CDS2: variants seen among roughly 807,000 people sequenced by gnomAD.
CDS2 encodes phosphatidate cytidylyltransferase 2.
In CDS2, 47 loss-of-function variants were observed where a neutral mutation model predicts 59.0. That is an observed-to-expected ratio of 0.80 (90% CI 0.63 to 1.02). The LOEUF (loss-of-function observed/expected upper bound fraction) is 1.02. CDS2 is among the 50% of genes least tolerant of loss of function. CDS2 has a pLI of 0.00. For synonymous variants in CDS2, 207 were observed against 206.4 expected, an observed-to-expected ratio of 1.00 and a Z score of -0.02; for missense variants, 356 against 558.9, an observed-to-expected ratio of 0.64 and a Z score of 3.66.
chr20:5,166,321 C>T (rs764424650), intron 1 of CDS2, among the ~76,000 whole-genome samples: 2 of 151,970 alleles, frequency 1.3e-5, no homozygotes, highest in African/African-American at 2.4e-5. Flanking sequence ...CTTGAAAATT[C>T]GGGGAAAGGG....
intron 1 of CDS2, among the ~76,000 whole-genome samples, chr20:5,138,115 A>AT (rs2090663256): frequency 8.0e-6 from 1 of 125,406 alleles, no homozygotes; most frequent in East Asian, 2.1e-4. Flanking sequence ...CATTTCTTTA[A>AT]ATTTTTTTTT....
At chr20:5,131,867 C>T (rs551825641) in intron 1 of CDS2, among the ~76,000 whole-genome samples, 30 of 152,286 alleles carry the variant, frequency 2.0e-4, no homozygotes, top group African/African-American at 6.3e-4. Flanking sequence ...GTGGATTAAA[C>T]GTATGTATGG....
At chr20:5,182,578 C>A in intron 6 of CDS2, 133 bp downstream of exon 6, 1 of 721,986 alleles carries the variant, frequency 1.4e-6, no homozygotes, top group Non-Finnish European at 2.2e-6. Flanking sequence ...GCATCTAGAG[C>A]ATGAAGGAAG....
chr20:5,170,809 T>G (rs1043484784), intron 1 of CDS2, among the ~76,000 whole-genome samples: 26 of 152,166 alleles, frequency 1.7e-4, no homozygotes, highest in Admixed American at 3.3e-4. Flanking sequence ...ATTGATAGAC[T>G]GCTAGCAAGG....
intron 8 of CDS2, 108 bp downstream of exon 8, chr20:5,185,053 G>T: frequency 1.2e-6 from 1 of 809,154 alleles, no homozygotes; most frequent in Non-Finnish European, 2.1e-6. Context: ...GTTGTATTGT[G>T]GCCATGTCTT....
At chr20:5,188,993 A>G (rs1459072297) in intron 10 of CDS2, 74 bp from the exon 11 acceptor site, 2 of 1,582,810 alleles carry the variant, frequency 1.3e-6, no homozygotes, top group East Asian at 2.2e-5. Context: ...TCAAATTTCA[A>G]CATGAGTTGA....
intron 1 of CDS2, among the ~76,000 whole-genome samples, chr20:5,154,605 T>C (rs528335895): frequency 5.3e-5 from 8 of 152,308 alleles, no homozygotes; most frequent in East Asian, 3.9e-4. Flanking sequence ...AGCATTCCAG[T>C]GTGCTGTCCA....
chr20:5,144,104 G>C (rs1189904303), intron 1 of CDS2, among the ~76,000 whole-genome samples: 1 of 152,108 alleles, frequency 6.6e-6, no homozygotes, highest in Non-Finnish European at 1.5e-5. Flanking sequence ...AGAAGAACTG[G>C]ATTGCTGGAT....
At chr20:5,129,515 T>C (rs1275498880) in intron 1 of CDS2, among the ~76,000 whole-genome samples, 1 of 151,678 alleles carries the variant, frequency 6.6e-6, no homozygotes, top group East Asian at 1.9e-4. Flanking sequence ...TGATGTTGGC[T>C]CATCGCAACC....
intron 1 of CDS2, among the ~76,000 whole-genome samples, chr20:5,158,770 G>C (rs143282544): frequency 6.2e-4 from 94 of 152,222 alleles, no homozygotes; most frequent in Non-Finnish European, 1.2e-3. Flanking sequence ...TTTAATACTG[G>C]GTGATCGTTG....
intron 1 of CDS2, among the ~76,000 whole-genome samples, chr20:5,133,423 T>C (rs1410512552): frequency 1.3e-5 from 2 of 151,958 alleles, no homozygotes; most frequent in Non-Finnish European, 2.9e-5. Flanking sequence ...CGGCTTGAGG[T>C]AGTTATTTTA....
chr20:5,179,668 G>A (rs2091019398), intron 5 of CDS2, among the ~76,000 whole-genome samples: 1 of 152,204 alleles, frequency 6.6e-6, no homozygotes, highest in Admixed American at 6.5e-5. Context: ...CTGGATTTGG[G>A]CGTAGACTCT....
chr20:5,133,678 A>G (rs2090625923), intron 1 of CDS2, among the ~76,000 whole-genome samples: 1 of 152,090 alleles, frequency 6.6e-6, no homozygotes, highest in Admixed American at 6.6e-5. Flanking sequence ...CGGGCATGCC[A>G]CCACGCCCAG....
At chr20:5,136,969 C>G (rs1261986658) in intron 1 of CDS2, among the ~76,000 whole-genome samples, 1 of 152,086 alleles carries the variant, frequency 6.6e-6, no homozygotes, top group Non-Finnish European at 1.5e-5. Flanking sequence ...GCCCTGGTGT[C>G]TCTTGTTCCC....
Position 5,127,089 on chromosome 20 carries a change from C to T in CDS2, c.-4C>T. 6.7e-7 allele frequency: 1 copy of T among 1,494,890 alleles called. No homozygotes were observed. The highest frequency in any genetic ancestry group is 8.9e-7 in the Non-Finnish European group (1 of 1,121,830). The allele number at this position is 1,494,890 out of a possible 1,614,324, so 92.6% of individuals were successfully genotyped here. On this transcript the variant is annotated 5_prime_UTR_variant, in exon 1 of 13. Transcript: ENST00000460006. ...CGCGGCGACGTCGGGCCGATTTTCC[C>T]AGGATGACAGAGCTGAGGCAGAGGG...
chr20:5,186,247 T>G (rs2091066958), intron 9 of CDS2, among the ~76,000 whole-genome samples: 1 of 152,248 alleles, frequency 6.6e-6, no homozygotes, highest in Non-Finnish European at 1.5e-5. Flanking sequence ...CAGCACTGTC[T>G]GGCTGCCCTT....
At chr20:5,181,969 A>G (rs1182954586) in intron 5 of CDS2, among the ~76,000 whole-genome samples, 1 of 152,240 alleles carries the variant, frequency 6.6e-6, no homozygotes, top group African/African-American at 2.4e-5. Flanking sequence ...TGTTCAGAGC[A>G]TGACTGTACT....
chr20:5,170,284 T>G (rs2090946078), intron 1 of CDS2, among the ~76,000 whole-genome samples: 1 of 152,216 alleles, frequency 6.6e-6, no homozygotes, highest in South Asian at 2.1e-4. Context: ...GTGTTCAGCA[T>G]GTACCACCTT....
In CDS2 at chr20:5,137,335, C is replaced by A. The variant is rs533263461; in HGVS notation, c.57+10186C>A. 7.9e-5 allele frequency among the ~76,000 whole-genome samples: 12 copies of A among 151,538 alleles called. 2 individuals are homozygous for A. The South Asian group carries it at 2.5e-3, about 32-fold the overall frequency. On this transcript the variant is annotated intron_variant, in intron 1 of 12. Coordinates refer to ENST00000460006, the MANE Select transcript of CDS2 (RefSeq NM_003818.4). ...CTCGGCTCACTGCAGCCTCCGCCTCCCAGGTTCAAGCAATTCTCCTGCCTC... is the reference window on the plus strand; with the variant it reads ...CTCGGCTCACTGCAGCCTCCGCCTCACAGGTTCAAGCAATTCTCCTGCCTC...
Sources: allele counts gnomAD v4.1 joint callset (sites outside exome capture counted in the v4.1 genomes callset), GRCh38; gene constraint gnomAD v4.1.1; transcripts MANE v1.5; gene names NCBI Gene and HGNC (gene_info 2026-07-23, HGNC 2026-07-21).